MYO16: variants seen among roughly 807,000 people sequenced by gnomAD.
MYO16 encodes myosin XVI, also known as unconventional myosin-XVI.
MYO16 carries 94 observed loss-of-function variants against 205.3 expected under a neutral mutation model. The ratio of observed to expected loss-of-function variants is 0.46; its 90% CI spans 0.39 to 0.54. The LOEUF (loss-of-function observed/expected upper bound fraction) is 0.54. Among genes scored for constraint, MYO16 ranks in the 20% least tolerant of loss-of-function variants. MYO16 has a pLI of 0.00. For synonymous variants in MYO16, 988 were observed against 954.0 expected, an observed-to-expected ratio of 1.04 and a Z score of -0.66; for missense variants, 2,315 against 2,387.5, an observed-to-expected ratio of 0.97 and a Z score of 0.63.
At chr13:109,157,124 C>CTCCT (rs1292296536) in intron 32 of MYO16, among the ~76,000 whole-genome samples, 4 of 151,786 alleles carry the variant, frequency 2.6e-5, no homozygotes, top group Non-Finnish European at 4.4e-5. Flanking sequence ...ACTCAGCTTC[C>CTCCT]TCCTGCCTTT....
At chr13:108,727,731 T>C in intron 4 of MYO16, 148 bp downstream of exon 4, 2 of 872,578 alleles carry the variant, frequency 2.3e-6, no homozygotes, top group Non-Finnish European at 3.3e-6. Context: ...CACAAGATAA[T>C]TAGAGACTAA....
At chr13:108,917,020 GAATGTGAGATGCAGAAACTC>G (rs1566410026) in intron 16 of MYO16, among the ~76,000 whole-genome samples, 5 of 90 alleles carry the variant, frequency 0.056, no homozygotes, top group African/African-American at 0.1. Flanking sequence ...TTTGCCCCAG[GAATGTGAGATGCAGAAACTC>G]GAATGTGAGA....
chr13:108,532,032 C>T, the MYO16 span, among the ~76,000 whole-genome samples: 14 of 151,940 alleles, frequency 9.2e-5, no homozygotes, highest in Non-Finnish European at 1.5e-4. Flanking sequence ...CATGGTGAAA[C>T]CCTGTCTTAC....
chr13:109,014,923 C>T (rs942862730), intron 22 of MYO16, among the ~76,000 whole-genome samples: 1 of 152,210 alleles, frequency 6.6e-6, no homozygotes, highest in Non-Finnish European at 1.5e-5. Flanking sequence ...GACACTTTGA[C>T]TTCCTCTTTT....
At chr13:108,831,132 C>G (rs984514812) in intron 9 of MYO16, among the ~76,000 whole-genome samples, 1 of 152,000 alleles carries the variant, frequency 6.6e-6, no homozygotes, top group African/African-American at 2.4e-5. Flanking sequence ...TTAGTCACCT[C>G]GTAAAACCCC....
intron 6 of MYO16, among the ~76,000 whole-genome samples, chr13:108,803,453 G>A (rs1457662108): frequency 6.6e-6 from 1 of 152,176 alleles, no homozygotes; most frequent in Non-Finnish European, 1.5e-5. Flanking sequence ...GAAACGAACA[G>A]GCTGTCAAAG....
At chr13:108,925,665 C>T (rs1213317984) in intron 16 of MYO16, among the ~76,000 whole-genome samples, 1 of 152,104 alleles carries the variant, frequency 6.6e-6, no homozygotes, top group East Asian at 1.9e-4. Flanking sequence ...TCACACCAGC[C>T]CATCGGCAAG....
rs406980 is a variant in MYO16, at chr13:108,823,043, T to C, written c.944-82T>C. On this transcript the variant is annotated intron_variant, in intron 8 of 34. Transcript: ENST00000457511. ...TGATAAATTTTTAGCATTTTAAGCA[T>C]ATCGGAATTATTGAAAGTAAATAGA... 6.0e-3 allele frequency: 7,668 copies of C among 1,285,262 alleles called. 334 individuals carry two copies. In the African/African-American group the frequency reaches 0.095, roughly 16 times the overall value. The allele number at this position is 1,285,262 out of a possible 1,614,324, so 79.6% of individuals were successfully genotyped here.
At chr13:108,591,918 C>A (rs1331112567), upstream of MYO16, among the ~76,000 whole-genome samples, 2 of 152,164 alleles carry the variant, frequency 1.3e-5, no homozygotes, top group South Asian at 2.1e-4. Context: ...CTCAGGAGAA[C>A]TTTTCTAGCG....
In MYO16 at chr13:109,177,102, A is replaced by C. The variant is rs1339098591; in HGVS notation, c.5324-2440A>C. Among the ~76,000 whole-genome samples, 4 of 152,048 alleles carry C rather than the reference A, an allele frequency of 2.6e-5. No individual in the cohort carries two copies. In the East Asian group the frequency reaches 7.7e-4, roughly 29 times the overall value. On this transcript the variant is annotated intron_variant, in intron 33 of 34. Coordinates refer to ENST00000457511, the MANE Select transcript of MYO16 (RefSeq NM_001198950.3). ...CTCTCAGCCAGGCATGTCCTTCTCGACTTTGTTCGCCCTCCACAATTCTCC... is the reference window on the plus strand; with the variant it reads ...CTCTCAGCCAGGCATGTCCTTCTCGCCTTTGTTCGCCCTCCACAATTCTCC...
At chr13:108,854,856 A>G (rs1344223842) in intron 10 of MYO16, among the ~76,000 whole-genome samples, 1 of 152,154 alleles carries the variant, frequency 6.6e-6, no homozygotes, top group Non-Finnish European at 1.5e-5. Context: ...ATTGAATAGG[A>G]AAGTATTTTT....
chr13:108,653,648 C>A (rs1881110729), intron 1 of MYO16, among the ~76,000 whole-genome samples: 1 of 151,716 alleles, frequency 6.6e-6, no homozygotes, highest in Non-Finnish European at 1.5e-5. Flanking sequence ...AAACTGGTAT[C>A]ATTTAGTATG....
At chr13:108,849,619 TTGTGTGTGTGTGTGTGTGTGTGTGTG>T in intron 10 of MYO16, among the ~76,000 whole-genome samples, 1 of 83,890 alleles carries the variant, frequency 1.2e-5, no homozygotes, top group South Asian at 4.5e-4. Context: ...ATTTCCTCTT[TTGTGTGTGTGTGTGTGTGTGTGTGTG>T]TGTGTGTGTG....
intron 23 of MYO16, among the ~76,000 whole-genome samples, chr13:109,022,884 T>TA: frequency 7.3e-6 from 1 of 136,542 alleles, no homozygotes; most frequent in Non-Finnish European, 1.5e-5. Flanking sequence ...TATATATTTA[T>TA]TATATATACA....
At chr13:109,120,057 T>C (rs1875913706) in intron 28 of MYO16, among the ~76,000 whole-genome samples, 1 of 152,222 alleles carries the variant, frequency 6.6e-6, no homozygotes, top group African/African-American at 2.4e-5. Flanking sequence ...AATCCATTCA[T>C]GGGGATGCTC....
intron 23 of MYO16, among the ~76,000 whole-genome samples, chr13:109,022,561 A>G (rs1305341594): frequency 7.8e-6 from 1 of 128,326 alleles, no homozygotes; most frequent in Non-Finnish European, 1.6e-5. Context: ...TCTATATTCT[A>G]CATACACATA....
chr13:108,876,997 G>A (rs1256762685), intron 12 of MYO16, among the ~76,000 whole-genome samples: 3 of 152,064 alleles, frequency 2.0e-5, no homozygotes, highest in Non-Finnish European at 1.5e-5. Context: ...AAAAGCTGTT[G>A]ATCAGCCCTC....
At chr13:108,903,959 G>A (rs899901600) in intron 15 of MYO16, among the ~76,000 whole-genome samples, 2 of 152,092 alleles carry the variant, frequency 1.3e-5, no homozygotes, top group African/African-American at 2.4e-5. Context: ...TAAATTATCA[G>A]CATTTAGGAA....
chr13:108,524,598 C>G, the MYO16 span, among the ~76,000 whole-genome samples: 2 of 152,122 alleles, frequency 1.3e-5, no homozygotes, highest in African/African-American at 4.8e-5. Flanking sequence ...CAGCTTAATA[C>G]AAGTGTGTGC....
Sources: allele counts gnomAD v4.1 joint callset (sites outside exome capture counted in the v4.1 genomes callset), GRCh38; gene constraint gnomAD v4.1.1; transcripts MANE v1.5; gene names NCBI Gene and HGNC (gene_info 2026-07-23, HGNC 2026-07-21).